PRDM5: variants seen among roughly 807,000 people sequenced by gnomAD.
PRDM5 encodes PR domain zinc finger protein 5.
Under a neutral mutation model 81.2 loss-of-function variants are expected in PRDM5, and 56 were observed. The ratio of observed to expected loss-of-function variants is 0.69; its 90% CI spans 0.56 to 0.86. PRDM5 has a LOEUF of 0.86. Among genes scored for constraint, PRDM5 ranks in the 40% least tolerant of loss-of-function variants. The probability of loss-of-function intolerance (pLI) is 0.00; values close to 1 mark genes in which losing one functional copy is unlikely to be tolerated. For missense variants in PRDM5, 697 were observed against 770.1 expected (o/e 0.91, Z 1.12); for synonymous variants, 267 against 256.4 (o/e 1.04, Z -0.39).
At chr4:120,866,750 T>A (rs1000847423) in intron 2 of PRDM5, among the ~76,000 whole-genome samples, 3 of 152,192 alleles carry the variant, frequency 2.0e-5, no homozygotes, top group Non-Finnish European at 4.4e-5. Context: ...GTTTGCCAAC[T>A]GGTAAGCAGA....
chr4:120,720,381 G>A (rs1001796897), intron 14 of PRDM5, among the ~76,000 whole-genome samples: 1 of 152,096 alleles, frequency 6.6e-6, no homozygotes, highest in Non-Finnish European at 1.5e-5. Context: ...AGTAATCTTC[G>A]TTTAGCATGA....
chr4:120,719,089 G>T (rs1180695163), intron 14 of PRDM5, among the ~76,000 whole-genome samples: 2 of 152,202 alleles, frequency 1.3e-5, no homozygotes, highest in African/African-American at 4.8e-5. Flanking sequence ...TCCAGAGCAA[G>T]GTTTCTGGAT....
chr4:120,703,083 T>G (rs1378837607), intron 15 of PRDM5, among the ~76,000 whole-genome samples: 1 of 152,212 alleles, frequency 6.6e-6, no homozygotes, highest in Non-Finnish European at 1.5e-5. Context: ...TCTTCTCATC[T>G]TTTAGGTTAC....
intron 2 of PRDM5, among the ~76,000 whole-genome samples, chr4:120,879,613 G>T (rs1373796572): frequency 1.3e-5 from 2 of 151,998 alleles, no homozygotes; most frequent in Non-Finnish European, 2.9e-5. Flanking sequence ...TTACTTTATT[G>T]TAAGAATACT....
intron 14 of PRDM5, among the ~76,000 whole-genome samples, chr4:120,753,652 G>A (rs1377710488): frequency 6.6e-6 from 1 of 151,900 alleles, no homozygotes; most frequent in Non-Finnish European, 1.5e-5. Context: ...AAATCCAGGA[G>A]AGGTTTAAAT....
intron 2 of PRDM5, among the ~76,000 whole-genome samples, chr4:120,863,276 A>C (rs911500895): frequency 6.6e-6 from 1 of 150,958 alleles, no homozygotes; most frequent in Non-Finnish European, 1.5e-5. Flanking sequence ...CGGGAGGGAG[A>C]CAGCATAAGG....
intron 8 of PRDM5, among the ~76,000 whole-genome samples, chr4:120,804,502 A>C (rs969974538): frequency 6.6e-6 from 1 of 152,172 alleles, no homozygotes; most frequent in Non-Finnish European, 1.5e-5. Flanking sequence ...CAAACTATCT[A>C]TCAGATCACA....
intron 10 of PRDM5, among the ~76,000 whole-genome samples, chr4:120,790,475 T>C (rs946283591): frequency 3.3e-5 from 5 of 152,208 alleles, no homozygotes; most frequent in South Asian, 2.1e-4. Context: ...TTAGTAACTA[T>C]ACTAGCTCCT....
At position 120,864,579 on chromosome 4, in the gene PRDM5, T is replaced by C. The variant is rs540539208; in HGVS notation, c.178-11039A>G. ...TAGGTTGGCTGAGGATTCCCAACTC[T>C]ACATCTCCTAGCAGTGTCATCATAG... On this transcript the variant is annotated intron_variant, in intron 2 of 15. Transcript: ENST00000264808. 3.5e-4 allele frequency among the ~76,000 whole-genome samples: 53 copies of C among 152,338 alleles called. 1 individual carries two copies. Among genetic ancestry groups the C allele is most frequent in the African/African-American group, 1.2e-3 (50 of 41,580 alleles).
At chr4:120,729,418 A>C (rs188696270) in intron 14 of PRDM5, among the ~76,000 whole-genome samples, 1 of 152,320 alleles carries the variant, frequency 6.6e-6, no homozygotes, top group Non-Finnish European at 1.5e-5. Context: ...CCATGAGATG[A>C]AGGCAGCATG....
At chr4:120,718,200 C>T (rs550773442) in intron 14 of PRDM5, among the ~76,000 whole-genome samples, 7 of 152,230 alleles carry the variant, frequency 4.6e-5, no homozygotes, top group African/African-American at 1.7e-4. Context: ...ACAGTGTATG[C>T]ACTTAATGAA....
At chr4:120,821,455 CT>C (rs796436156) in intron 3 of PRDM5, 110 bp from the exon 4 acceptor site, 88 of 1,082,390 alleles carry the variant, frequency 8.1e-5, no homozygotes, top group African/African-American at 1.8e-4. Context: ...AAAGTTATTA[CT>C]TTTTTTTATT....
intron 13 of PRDM5, among the ~76,000 whole-genome samples, chr4:120,760,833 T>C (rs1745505275): frequency 6.6e-6 from 1 of 152,030 alleles, no homozygotes. Flanking sequence ...AAAATCACTG[T>C]CTCTTCAATT....
At chr4:120,758,992 T>A (rs1336771856) in intron 13 of PRDM5, among the ~76,000 whole-genome samples, 1 of 152,036 alleles carries the variant, frequency 6.6e-6, no homozygotes. Context: ...CCTGACCTCG[T>A]CATCCACCCA....
intron 2 of PRDM5, among the ~76,000 whole-genome samples, chr4:120,863,189 T>TACACACACACACACACAC (rs1232966826): frequency 2.7e-5 from 1 of 37,350 alleles, no homozygotes; most frequent in Non-Finnish European, 7.1e-5. Context: ...TATATATATA[T>TACACACACACACACACAC]ATACACACAC....
rs941800254 is a variant in PRDM5 at position 120,877,818 on chromosome 4, T to TAAAC, written c.178-24282_178-24279dup. 2.6e-5 allele frequency among the ~76,000 whole-genome samples: 4 copies of TAAAC among 152,144 alleles called. No homozygotes were observed. In the South Asian group the frequency reaches 6.2e-4, roughly 24 times the overall value. On this transcript the variant is annotated intron_variant, in intron 2 of 15. Coordinates refer to ENST00000264808, the MANE Select transcript of PRDM5 (RefSeq NM_018699.4). ...AGACTCCGTCTCAAAAATAAATAAATAAACAAACAAACAAACTTATCTTTC... is the reference window on the plus strand; with the variant it reads ...AGACTCCGTCTCAAAAATAAATAAATAAACAAACAAACAAACAAACTTATCTTTC...
intron 10 of PRDM5, among the ~76,000 whole-genome samples, chr4:120,794,550 CACACACACAT>C (rs1472512984): frequency 1.9e-4 from 28 of 145,546 alleles, no homozygotes; most frequent in East Asian, 2.1e-4. Context: ...CACACACACA[CACACACACAT>C]ACAAATACAC....
chr4:120,742,087 A>G (rs980230968), intron 14 of PRDM5, among the ~76,000 whole-genome samples: 17 of 152,328 alleles, frequency 1.1e-4, no homozygotes, highest in African/African-American at 3.4e-4. Flanking sequence ...ATCTGAGAAC[A>G]GGCAGACTGC....
At chr4:120,903,389 A>G (rs924922750) in intron 2 of PRDM5, among the ~76,000 whole-genome samples, 1 of 152,224 alleles carries the variant, frequency 6.6e-6, no homozygotes, top group South Asian at 2.1e-4. Context: ...TAGCACCTCC[A>G]AAGCTAAAAT....
Sources: gnomAD v4.1 joint callset for allele counts (sites outside exome capture counted in the v4.1 genomes callset) on GRCh38, gnomAD v4.1.1 for gene constraint, MANE v1.5 for transcripts, NCBI Gene and HGNC (gene_info 2026-07-23, HGNC 2026-07-21) for gene names.